Variants in CDKAL1 observed in about 807,000 individuals in gnomAD.
The protein encoded by CDKAL1 is threonylcarbamoyladenosine tRNA methylthiotransferase.
In CDKAL1, 32 loss-of-function variants were observed where a neutral mutation model predicts 68.2. The observed-to-expected ratio is 0.47, with a 90% CI of 0.35 to 0.63. CDKAL1 has a LOEUF of 0.63. Among genes scored for constraint, CDKAL1 ranks in the 30% least tolerant of loss-of-function variants. The pLI is 0.00. For missense variants in CDKAL1, 606 were observed against 696.7 expected, an observed-to-expected ratio of 0.87 and a Z score of 1.47; for synonymous variants, 234 against 244.3, an observed-to-expected ratio of 0.96 and a Z score of 0.39.
intron 10 of CDKAL1, among the ~76,000 whole-genome samples, chr6:20,991,833 T>A (rs1766824366): frequency 6.8e-6 from 1 of 146,958 alleles, no homozygotes; most frequent in Non-Finnish European, 1.5e-5. Context: ...CTGGGCAACA[T>A]AGCGAGACCC....
At chr6:20,603,019 T>C (rs1346837159) in intron 4 of CDKAL1, among the ~76,000 whole-genome samples, 1 of 152,194 alleles carries the variant, frequency 6.6e-6, no homozygotes, top group Non-Finnish European at 1.5e-5. Context: ...TGGAATCTGC[T>C]TGTTCCCACT....
At chr6:20,920,648 C>T (rs1001875452) in intron 9 of CDKAL1, among the ~76,000 whole-genome samples, 1 of 152,090 alleles carries the variant, frequency 6.6e-6, no homozygotes, top group Non-Finnish European at 1.5e-5. Context: ...TACTGCCATC[C>T]ACAATTCTAT....
intron 11 of CDKAL1, among the ~76,000 whole-genome samples, chr6:21,060,516 T>A (rs1157962065): frequency 2.0e-5 from 3 of 152,134 alleles, no homozygotes; most frequent in African/African-American, 4.8e-5. Context: ...TTTCTCTATT[T>A]TCTATTTCAT....
chr6:20,668,693 G>T (rs1426474157), intron 5 of CDKAL1, among the ~76,000 whole-genome samples: 2 of 152,168 alleles, frequency 1.3e-5, no homozygotes, highest in African/African-American at 4.8e-5. Flanking sequence ...TCAAACCAGA[G>T]AATTAATATT....
chr6:21,087,737 ATG>A (rs1193903160), intron 12 of CDKAL1, among the ~76,000 whole-genome samples: 1 of 152,150 alleles, frequency 6.6e-6, no homozygotes, highest in African/African-American at 2.4e-5. Flanking sequence ...AATTTTATAT[ATG>A]TGTGTTTATA....
intron 9 of CDKAL1, among the ~76,000 whole-genome samples, chr6:20,859,711 G>A (rs907617462): frequency 6.6e-6 from 1 of 152,236 alleles, no homozygotes; most frequent in African/African-American, 2.4e-5. Flanking sequence ...TCTTAGAAGA[G>A]AAAGAACTTG....
intron 13 of CDKAL1, among the ~76,000 whole-genome samples, chr6:21,139,413 G>C (rs1356574829): frequency 6.6e-6 from 1 of 152,170 alleles, no homozygotes; most frequent in East Asian, 1.9e-4. Flanking sequence ...AGTTATTCCT[G>C]GTCATCAACA....
intron 9 of CDKAL1, among the ~76,000 whole-genome samples, chr6:20,877,124 G>A (rs1218997725): frequency 6.6e-6 from 1 of 152,192 alleles, no homozygotes; most frequent in East Asian, 1.9e-4. Flanking sequence ...GAATCAATAA[G>A]CATTTACATT....
At chr6:20,843,482 T>G (rs1778255964) in intron 8 of CDKAL1, among the ~76,000 whole-genome samples, 1 of 151,860 alleles carries the variant, frequency 6.6e-6, no homozygotes, top group African/African-American at 2.4e-5. Context: ...GTTTTTGTAA[T>G]ATTTGCAGAT....
At chr6:20,775,168 C>T (rs1299665125) in intron 7 of CDKAL1, among the ~76,000 whole-genome samples, 2 of 152,064 alleles carry the variant, frequency 1.3e-5, no homozygotes, top group Non-Finnish European at 1.5e-5. Flanking sequence ...ATATTTATCA[C>T]CATCTCCTCG....
intron 8 of CDKAL1, among the ~76,000 whole-genome samples, chr6:20,841,267 G>T (rs963449385): frequency 6.6e-6 from 1 of 152,098 alleles, no homozygotes; most frequent in Non-Finnish European, 1.5e-5. Flanking sequence ...AATGGTTTTT[G>T]CATATTCAGG....
chr6:20,968,367 C>A (rs1199644864), intron 10 of CDKAL1, among the ~76,000 whole-genome samples: 9 of 151,936 alleles, frequency 5.9e-5, no homozygotes, highest in Admixed American at 5.9e-4. Flanking sequence ...CTGTGTTTTC[C>A]AGGTTGGTCT....
intron 10 of CDKAL1, among the ~76,000 whole-genome samples, chr6:20,959,104 T>C (rs17236645): frequency 0.041 from 6,311 of 152,248 alleles, 137 homozygotes; most frequent in Middle Eastern, 0.054. Flanking sequence ...TGTGGCACTT[T>C]ATATAGCAAA....
At chr6:20,649,591 G>A (rs913161319) in intron 5 of CDKAL1, among the ~76,000 whole-genome samples, 3 of 151,954 alleles carry the variant, frequency 2.0e-5, no homozygotes, top group Admixed American at 6.6e-5. Context: ...AAGTTCTGGG[G>A]TACATGTACA....
intron 4 of CDKAL1, among the ~76,000 whole-genome samples, chr6:20,566,883 T>C (rs1402645063): frequency 6.6e-6 from 1 of 152,126 alleles, no homozygotes; most frequent in East Asian, 1.9e-4. Flanking sequence ...AAATAAAAAT[T>C]CCATAGAAGG....
intron 6 of CDKAL1, among the ~76,000 whole-genome samples, chr6:20,754,146 A>C (rs944163683): frequency 1.3e-5 from 2 of 152,036 alleles, no homozygotes; most frequent in African/African-American, 4.8e-5. Flanking sequence ...TGCCCAGCTA[A>C]TTTTTAAAAA....
intron 11 of CDKAL1, among the ~76,000 whole-genome samples, chr6:21,057,782 T>G (rs1280125719): frequency 6.6e-6 from 1 of 152,228 alleles, no homozygotes; most frequent in African/African-American, 2.4e-5. Context: ...CAGGAGTCAT[T>G]CAGGAGCAGG....
intron 9 of CDKAL1, among the ~76,000 whole-genome samples, chr6:20,900,737 A>T (rs541250396): frequency 6.6e-5 from 10 of 152,342 alleles, no homozygotes; most frequent in Non-Finnish European, 1.5e-4. Flanking sequence ...AAGGAGGAAA[A>T]TGCAAACTTT....
intron 5 of CDKAL1, among the ~76,000 whole-genome samples, chr6:20,699,738 G>C (rs998147247): frequency 6.6e-6 from 1 of 152,148 alleles, no homozygotes; most frequent in Non-Finnish European, 1.5e-5. Flanking sequence ...GGCAGAATCA[G>C]CTGTAGCGAG....
Sources: allele counts gnomAD v4.1 joint callset (sites outside exome capture counted in the v4.1 genomes callset), GRCh38; gene constraint gnomAD v4.1.1; transcripts MANE v1.5; gene names NCBI Gene and HGNC (gene_info 2026-07-23, HGNC 2026-07-21).